Variants in FER1L5 observed in about 807,000 individuals in gnomAD.
FER1L5 encodes fer-1-like protein 5.
In FER1L5, 187 loss-of-function variants were observed where a neutral mutation model predicts 279.9. That is an observed-to-expected ratio of 0.67 (90% CI 0.59 to 0.75). The LOEUF (loss-of-function observed/expected upper bound fraction) is 0.75, where lower values mean the gene tolerates loss of function less well. Among genes scored for constraint, FER1L5 ranks in the 30% least tolerant of loss-of-function variants. The pLI, the probability that FER1L5 is intolerant of heterozygous loss-of-function variation, is 0.00. For missense variants in FER1L5, 2,091 were observed against 2,594.4 expected (o/e 0.81, Z 4.21); for synonymous variants, 921 against 989.7 (o/e 0.93, Z 1.30).
chr2:96,685,187 C>T lies in FER1L5; in HGVS notation c.1795-142C>T. The T allele has an allele frequency of 5.7e-6, 4 of 705,788 alleles. No homozygotes were observed. The East Asian group carries it at 8.2e-5, about 14-fold the overall frequency. The allele number at this position is 705,788 out of a possible 1,614,324, so 43.7% of individuals were successfully genotyped here. On this transcript the variant is annotated intron_variant, in intron 20 of 52. Coordinates refer to ENST00000624922, the MANE Select transcript of FER1L5 (RefSeq NM_001293083.2). ...TTCCTAGCCTCGGAGTTGTGGACAA[C>T]CTTGAACTGATATCACCAGGTTATC...
At chr2:96,668,361 CAA>C (rs113381426) in intron 14 of FER1L5, among the ~76,000 whole-genome samples, 1 of 139,088 alleles carries the variant, frequency 7.2e-6, no homozygotes, top group East Asian at 2.1e-4. Flanking sequence ...CCTGTCTCTA[CAA>C]AAAAAAAAAA....
At chr2:96,695,199 G>A (rs1002980164) in intron 34 of FER1L5, 3 of 328,026 alleles carry the variant, frequency 9.1e-6, no homozygotes, top group African/African-American at 6.5e-5. Flanking sequence ...GGCCAGACAA[G>A]GCAGCGGGTG....
chr2:96,692,214 G>A (rs1160702306), intron 31 of FER1L5, 33 bp downstream of exon 31: 12 of 1,549,482 alleles, frequency 7.7e-6, no homozygotes, highest in Non-Finnish European at 9.6e-6. Flanking sequence ...CCCAGCTGAG[G>A]ACAAGGCCTC....
intron 27 of FER1L5, 65 bp downstream of exon 27, chr2:96,690,654 G>A (rs2077106610): frequency 6.9e-7 from 1 of 1,447,444 alleles, no homozygotes; most frequent in Non-Finnish European, 9.5e-7. Context: ...GCAGCCAGCA[G>A]GGTGGGATCA....
At chr2:96,649,368 C>T (rs745798611) in intron 4 of FER1L5, among the ~76,000 whole-genome samples, 1 of 152,142 alleles carries the variant, frequency 6.6e-6, no homozygotes, top group Non-Finnish European at 1.5e-5. Flanking sequence ...TCCTTTTCTG[C>T]CACCATCACC....
intron 19 of FER1L5, among the ~76,000 whole-genome samples, chr2:96,681,869 A>AACCTGTG (rs2076742273): frequency 6.6e-6 from 1 of 151,436 alleles, no homozygotes; most frequent in African/African-American, 2.4e-5. Context: ...GGCTCACTGC[A>AACCTGTG]CCACCTCTCG....
At chr2:96,675,000 G>A (rs1385136676) in intron 19 of FER1L5, among the ~76,000 whole-genome samples, 1 of 152,096 alleles carries the variant, frequency 6.6e-6, no homozygotes, top group Non-Finnish European at 1.5e-5. Flanking sequence ...TTCTTCACCT[G>A]TGAATGAAAT....
At chr2:96,701,796 C>T (rs1003904522) in intron 45 of FER1L5, among the ~76,000 whole-genome samples, 159 bp from the exon 46 acceptor site, 1 of 152,194 alleles carries the variant, frequency 6.6e-6, no homozygotes, top group Non-Finnish European at 1.5e-5. Flanking sequence ...GAAGCTGGTG[C>T]GTGGTCACCT....
At chr2:96,662,405 TGGA>T in intron 13 of FER1L5, 138 bp downstream of exon 13, 1 of 790,300 alleles carries the variant, frequency 1.3e-6, no homozygotes, top group Middle Eastern at 2.7e-4. Flanking sequence ...CCCCTGCACC[TGGA>T]ACTCTGTGCA....
rs1400733209 is a variant in FER1L5, at chr2:96,691,657, C to A, written c.3075+45C>A. The A allele has an allele frequency of 6.6e-7, 1 of 1,509,800 alleles. No homozygotes were observed. The highest frequency in any genetic ancestry group is 1.4e-5 in the African/African-American group (1 of 71,840). 93.5% of individuals were successfully genotyped at this position (1,509,800 alleles called of 1,614,324 possible). ...GTGATGCCTGCCTGTAACCCCACCT[C>A]CCAGAGAAGCCAGGGCCTGGCCTGG... is the stretch of plus-strand genomic sequence containing the variant. On this transcript the variant is annotated intron_variant, in intron 29 of 52. Coordinates refer to ENST00000624922, the MANE Select transcript of FER1L5 (RefSeq NM_001293083.2). The surrounding 1 kb of genome is among the most constrained non-coding windows in gnomAD (Gnocchi z 6.0).
In FER1L5 at chr2:96,646,469, A is replaced by G; in HGVS notation, c.138+16A>G. ...GTGGAATGAGGTAGACAACAGGGCA[A>G]GCCCAGAAGAGGAAATAACAACCCC... is the stretch of plus-strand genomic sequence containing the variant. On this transcript the variant is annotated intron_variant, in intron 2 of 52. Coordinates refer to ENST00000624922, the MANE Select transcript of FER1L5 (RefSeq NM_001293083.2). The G allele has an allele frequency of 6.4e-7, 1 of 1,551,610 alleles. No individual in the cohort carries two copies.
Position 96,691,520 on chromosome 2 carries a change from C to T in FER1L5, c.2983C>T (p.Gln995Ter), listed in dbSNP as rs2077146109. The T allele has an allele frequency of 6.5e-7, 1 of 1,550,306 alleles. No individual in the cohort carries two copies. The highest frequency in any genetic ancestry group is 8.7e-7 in the Non-Finnish European group (1 of 1,146,642). ...CAAGTTCCACCTCAACCCTCAGCCCCAGAGCCGGTTCCGCCGCCGCTGCTG... is the reference window on the plus strand; with the variant it reads ...CAAGTTCCACCTCAACCCTCAGCCCTAGAGCCGGTTCCGCCGCCGCTGCTG... ...GSKFHLNPQPQSRFRRRCWRR... is the reference protein window; with the variant it reads ...GSKFHLNPQP The change falls in exon 29 of 53, where the codon CAG (glutamine) becomes TAG (stop). Residue 995 changes from glutamine (Q) to a stop codon, truncating the protein, a stop_gained. Transcript: ENST00000624922. LOFTEE classifies it high-confidence loss of function. The surrounding 1 kb of genome is among the most constrained non-coding windows in gnomAD (Gnocchi z 6.0).
At chr2:96,697,784 G>A in intron 39 of FER1L5, 23 bp downstream of exon 39, 1 of 1,611,558 alleles carries the variant, frequency 6.2e-7, no homozygotes. Context: ...GAAGAAATGG[G>A]ATGGAATCAA....
chr2:96,657,085 T>G (rs1420022733), intron 9 of FER1L5, among the ~76,000 whole-genome samples: 3 of 142,578 alleles, frequency 2.1e-5, no homozygotes, highest in African/African-American at 2.6e-5. Flanking sequence ...ATATATATAG[T>G]TTTTTTTGAG....
At chr2:96,687,762 G>C in intron 23 of FER1L5, 54 bp from the exon 24 acceptor site, 1 of 1,542,804 alleles carries the variant, frequency 6.5e-7, no homozygotes, top group Non-Finnish European at 8.8e-7. Context: ...GGGTGGCCGG[G>C]GTGGCGTTCA....
Position 96,699,607 on chromosome 2 carries a change from T to C in FER1L5, c.4668T>C (p.Tyr1556=), listed in dbSNP as rs1288486359. ...PLEKDLEIQL[Y]DFDLFSPDDK... The stretch of plus-strand genomic sequence containing the variant: ...AGAAGGACCTAGAGATCCAGCTCTA[T>C]GACTTCGACCTATTTTCACCTGATG... Residue 1556 remains tyrosine, a synonymous_variant, in exon 43 of 53, where the codon TAT becomes TAC. Transcript: ENST00000624922. 1.9e-6 allele frequency: 3 copies of C among 1,613,906 alleles called. No individual in the cohort carries two copies. Among genetic ancestry groups the C allele is most frequent in the African/African-American group, 1.3e-5 (1 of 74,934 alleles).
In FER1L5 at chr2:96,702,225, C is replaced by G; in HGVS notation, c.5160-81C>G. On this transcript the variant is annotated intron_variant, in intron 46 of 52. Transcript: ENST00000624922. The surrounding 1 kb of genome is among the most constrained non-coding windows in gnomAD (Gnocchi z 4.0). ...CACTGAGCAAAAACACACAGGGCAGCCTCCCAGGCTTCTCTGCCCTCACTG... is the reference window on the plus strand; with the variant it reads ...CACTGAGCAAAAACACACAGGGCAGGCTCCCAGGCTTCTCTGCCCTCACTG... 1.3e-6 allele frequency: 2 copies of G among 1,571,846 alleles called. No homozygotes were observed. The highest frequency in any genetic ancestry group is 1.7e-6 in the Non-Finnish European group (2 of 1,158,834).
chr2:96,701,977 A>C lies in FER1L5; in HGVS notation c.5093A>C (p.Asp1698Ala), dbSNP rs2077602641. 6.2e-7 allele frequency: 1 copy of C among 1,613,854 alleles called. No homozygotes were observed. Among genetic ancestry groups the C allele is most frequent in the African/African-American group, 1.3e-5 (1 of 74,916 alleles). ...TAGGGAAAGGTGCAAATGTGGGTGG[A>C]CATCTTCCCCAAGAAGCTGGGGCCT... ...IDQGKVQMWV[D>A]IFPKKLGPPG... is the part of the protein sequence containing the mutation. The change falls in exon 46 of 53, where the codon GAC (aspartate) becomes GCC (alanine). Residue 1698 changes from aspartate (D) to alanine (A), a missense_variant. Asp to Ala is a moderately radical substitution (Grantham distance 126). Transcript: ENST00000624922.
chr2:96,699,991 C>A lies in FER1L5; in HGVS notation c.4841C>A (p.Ala1614Asp). ...CCAAGCTACCTCCTAGAACGCTATG[C>A]CAAGCGGAAAGGGCTACCTCCGCCT... Reference protein sequence around the residue: ...MPPSYLLERYAKRKGLPPPLF... With the variant: ...MPPSYLLERYDKRKGLPPPLF... Residue 1614 changes from alanine (A) to aspartate (D), a missense_variant, in exon 44 of 53, where the codon GCC becomes GAC. Ala to Asp is a moderately radical substitution (Grantham distance 126, BLOSUM62 -2). Transcript: ENST00000624922. 6.2e-7 allele frequency: 1 copy of A among 1,614,014 alleles called. No individual in the cohort carries two copies. Among genetic ancestry groups the A allele is most frequent in the Non-Finnish European group, 8.5e-7 (1 of 1,179,906 alleles).
Sources: allele counts gnomAD v4.1 joint callset (sites outside exome capture counted in the v4.1 genomes callset), GRCh38; gene constraint gnomAD v4.1.1; non-coding constraint Gnocchi (gnomAD v3.1); transcripts MANE v1.5; gene names NCBI Gene and HGNC (gene_info 2026-07-23, HGNC 2026-07-21).